Variants in ASXL1 observed in about 807,000 individuals in gnomAD.
ASXL1 encodes the protein ASXL transcriptional regulator 1, also known as polycomb group protein ASXL1.
In ASXL1, 65 loss-of-function variants were observed where a neutral mutation model predicts 89.1. That is an observed-to-expected ratio of 0.73 (90% CI 0.60 to 0.90). The LOEUF (loss-of-function observed/expected upper bound fraction) is 0.90. Among genes scored for constraint, ASXL1 ranks in the 40% least tolerant of loss-of-function variants. ASXL1 has a pLI of 0.00. For synonymous variants in ASXL1, 739 were observed against 746.9 expected (o/e 0.99, Z 0.17); for missense variants, 1,786 against 1,942.9 (o/e 0.92, Z 1.52).
At chr20:32,381,583 C>T (rs1255122108) in intron 4 of ASXL1, among the ~76,000 whole-genome samples, 1 of 148,220 alleles carries the variant, frequency 6.7e-6, no homozygotes, top group Non-Finnish European at 1.5e-5. Context: ...GGCGGGATCT[C>T]GGCTCACTGC....
chr20:32,434,285 T>C (rs1179572816), intron 12 of ASXL1, 147 bp from the exon 13 acceptor site: 1 of 1,067,354 alleles, frequency 9.4e-7, no homozygotes, highest in African/African-American at 1.6e-5. Flanking sequence ...ATGGCGCCAT[T>C]TTACTATGAT....
At chr20:32,368,878 A>G (rs561487139) in intron 3 of ASXL1, 137 bp from the exon 4 acceptor site, 104 of 636,658 alleles carry the variant, frequency 1.6e-4, no homozygotes, top group Non-Finnish European at 2.6e-4. Flanking sequence ...CTATTTTCAC[A>G]GTGAAATTGT....
At chr20:32,396,933 G>T (rs2048771804) in intron 4 of ASXL1, among the ~76,000 whole-genome samples, 1 of 150,714 alleles carries the variant, frequency 6.6e-6, no homozygotes, top group African/African-American at 2.4e-5. Flanking sequence ...AAGAAGAATT[G>T]TCTTGGGCCA....
At chr20:32,421,803 C>T (rs192833139) in intron 4 of ASXL1, among the ~76,000 whole-genome samples, 1 of 151,174 alleles carries the variant, frequency 6.6e-6, no homozygotes, top group Admixed American at 6.6e-5. Context: ...GGCAAAAGTA[C>T]GTTATGGAGA....
At chr20:32,401,394 A>G (rs2048868460) in intron 4 of ASXL1, among the ~76,000 whole-genome samples, 1 of 152,100 alleles carries the variant, frequency 6.6e-6, no homozygotes, top group Non-Finnish European at 1.5e-5. Flanking sequence ...AGTTGTCTGA[A>G]TTTTATCACT....
intron 4 of ASXL1, among the ~76,000 whole-genome samples, chr20:32,411,402 C>T (rs900945519): frequency 6.7e-6 from 1 of 150,140 alleles, no homozygotes; most frequent in Non-Finnish European, 1.5e-5. Flanking sequence ...TAATTTTTGT[C>T]TTTTTAGTAG....
chr20:32,402,407 T>A (rs2048890831), intron 4 of ASXL1, among the ~76,000 whole-genome samples: 1 of 152,244 alleles, frequency 6.6e-6, no homozygotes, highest in South Asian at 2.1e-4. Context: ...CAAATAAAGC[T>A]GCTGTGAACA....
intron 4 of ASXL1, among the ~76,000 whole-genome samples, chr20:32,410,306 T>C (rs922096221): frequency 6.6e-6 from 1 of 152,184 alleles, no homozygotes; most frequent in Non-Finnish European, 1.5e-5. Flanking sequence ...TTATTATTCC[T>C]TTATTTAGTT....
chr20:32,421,278 C>G (rs1004110271), intron 4 of ASXL1, among the ~76,000 whole-genome samples: 2 of 149,186 alleles, frequency 1.3e-5, no homozygotes, highest in African/African-American at 4.9e-5. Flanking sequence ...TGCTCAACAT[C>G]TTTAGACATT....
rs1286422641 is a variant in ASXL1 at position 32,437,621 on chromosome 20, G to A, written c.*283G>A. The A allele has an allele frequency of 4.1e-6, 2 of 484,054 alleles. No individual in the cohort carries two copies. The highest frequency in any genetic ancestry group is 2.4e-5 in the South Asian group (1 of 41,538). 30.0% of individuals were successfully genotyped at this position (484,054 alleles called of 1,614,324 possible). A position where few individuals can be genotyped will look rare whatever the true frequency, so the allele number is the denominator to read the frequency against. On this transcript the variant is annotated 3_prime_UTR_variant, in exon 13 of 13. Transcript: ENST00000375687. ...GTGGCACGGAGTGGGGTTGCGGGGGGTGGGGGGACTGCCTGACTCCCAGAG... is the reference window on the plus strand; with the variant it reads ...GTGGCACGGAGTGGGGTTGCGGGGGATGGGGGGACTGCCTGACTCCCAGAG...
Position 32,438,416 on chromosome 20 carries a change from A to C in ASXL1, c.*1078A>C, listed in dbSNP as rs763889464. 1.7e-5 allele frequency: 4 copies of C among 233,498 alleles called. No individual in the cohort carries two copies. The East Asian group carries it at 2.4e-4, about 14-fold the overall frequency. 14.5% of individuals were successfully genotyped at this position (233,498 alleles called of 1,614,324 possible). On this transcript the variant is annotated 3_prime_UTR_variant, in exon 13 of 13. Transcript: ENST00000375687. ...TTAAAGTGGTGTAATCTCCTTCTCTACATCTGTTGTCAGAGCCACTGAGTG... is the reference window on the plus strand; with the variant it reads ...TTAAAGTGGTGTAATCTCCTTCTCTCCATCTGTTGTCAGAGCCACTGAGTG...
chr20:32,387,320 A>G (rs1003541478), intron 4 of ASXL1, among the ~76,000 whole-genome samples: 7 of 152,146 alleles, frequency 4.6e-5, no homozygotes, highest in Admixed American at 3.9e-4. Flanking sequence ...AATATTATGT[A>G]TATAATATCC....
chr20:32,374,322 G>C (rs528465688), intron 4 of ASXL1, among the ~76,000 whole-genome samples: 12 of 151,976 alleles, frequency 7.9e-5, no homozygotes, highest in Non-Finnish European at 1.8e-4. Flanking sequence ...ACAGGGTCTC[G>C]CTCTGTGGCT....
chr20:32,395,178 G>A (rs1380289667), intron 4 of ASXL1, among the ~76,000 whole-genome samples: 1 of 152,112 alleles, frequency 6.6e-6, no homozygotes, highest in Admixed American at 6.5e-5. Context: ...TTCCTTTAAT[G>A]TGTTTCTTGT....
At chr20:32,377,127 T>TATA (rs78655261) in intron 4 of ASXL1, among the ~76,000 whole-genome samples, 62,917 of 140,650 alleles carry the variant, frequency 0.45, 14,793 homozygotes, top group East Asian at 0.74. Context: ...GATATATTAA[T>TATA]ATAATATATA....
At position 32,432,982 on chromosome 20, in the gene ASXL1, A is replaced by G; in HGVS notation, c.1082A>G (p.Gln361Arg). 1 of 1,613,832 alleles carries G rather than the reference A, an allele frequency of 6.2e-7. No homozygotes were observed. The highest frequency in any genetic ancestry group is 8.5e-7 in the Non-Finnish European group (1 of 1,180,024). Residue 361 changes from glutamine (Q) to arginine (R), a missense_variant, in exon 11 of 13, where the codon CAG becomes CGG. Around this residue, in one of 3 missense-constraint regions of ASXL1, gnomAD observed 1,418 missense variants for 1,427.8 expected, o/e 0.99. Coordinates refer to ENST00000375687, the MANE Select transcript of ASXL1 (RefSeq NM_015338.6). ...AAGTTCTTTGAAGACTACTATGGAC[A>G]GAAGTAAGGCAGTTGGAGCTATGAG... is the stretch of plus-strand genomic sequence containing the variant. Reference protein sequence around the residue: ...KEKFFEDYYGQKLGLTKEESL... With the variant: ...KEKFFEDYYGRKLGLTKEESL...
intron 4 of ASXL1, among the ~76,000 whole-genome samples, chr20:32,403,795 A>G (rs1172037880): frequency 6.6e-6 from 1 of 152,160 alleles, no homozygotes; most frequent in Non-Finnish European, 1.5e-5. Flanking sequence ...CCCATTGGTT[A>G]GTTTGGGGAG....
intron 1 of ASXL1, chr20:32,359,079 G>T: frequency 1.7e-6 from 1 of 596,542 alleles, no homozygotes; most frequent in East Asian, 2.8e-5. Context: ...TCCGGCGGAG[G>T]GGCGAGCTGG....
Position 32,435,213 on chromosome 20 carries a change from A to G in ASXL1, c.2501A>G (p.His834Arg). The G allele has an allele frequency of 6.2e-7, 1 of 1,614,036 alleles. No individual in the cohort carries two copies. The highest frequency in any genetic ancestry group is 8.5e-7 in the Non-Finnish European group (1 of 1,180,008). ...GGAACTGGCCAAGCTCTTGACAGTC[A>G]TCCCACTATGAAGGATCCTGTAAAT... is the stretch of plus-strand genomic sequence containing the variant. ...EKGTGQALDS[H>R]PTMKDPVNVT... is the part of the protein sequence containing the mutation. The change falls in exon 13 of 13, where the codon CAT becomes CGT. Residue 834 changes from histidine (H) to arginine (R), a missense_variant. By Grantham distance (29) the His-to-Arg change is conservative. This residue lies in a region of ASXL1 where 1,418 missense variants were observed against 1,427.8 expected (regional missense o/e 0.99). Coordinates refer to ENST00000375687, the MANE Select transcript of ASXL1 (RefSeq NM_015338.6).
Sources: allele counts gnomAD v4.1 joint callset (sites outside exome capture counted in the v4.1 genomes callset), GRCh38; gene constraint gnomAD v4.1.1; regional missense constraint gnomAD v4.1.1; transcripts MANE v1.5; gene names NCBI Gene and HGNC (gene_info 2026-07-23, HGNC 2026-07-21).